The following PCDHGB3 variants were observed in gnomAD, a reference collection of about 807,000 sequenced individuals.
PCDHGB3 encodes protocadherin gamma-B3.
In PCDHGB3, 40 loss-of-function variants were observed where a neutral mutation model predicts 59.2. The observed-to-expected ratio is 0.68, with a 90% CI of 0.52 to 0.88. The LOEUF is 0.88. PCDHGB3 is among the 40% of genes least tolerant of loss of function. The probability of loss-of-function intolerance (pLI) is 0.00; values close to 1 mark genes in which losing one functional copy is unlikely to be tolerated. For synonymous variants in PCDHGB3, 581 were observed against 503.6 expected (o/e 1.15, Z -2.06); for missense variants, 1,309 against 1,187.9 (o/e 1.10, Z -1.50).
chr5:141,404,585 A>G (rs541341061), intron 1 of PCDHGB3: 2 of 1,614,006 alleles, frequency 1.2e-6, no homozygotes, highest in East Asian at 2.2e-5. Context: ...ACTTAGCAGC[A>G]ATGTGTCATT....
intron 1 of PCDHGB3, chr5:141,423,194 C>T (rs1467994226): frequency 3.7e-6 from 6 of 1,613,588 alleles, no homozygotes; most frequent in South Asian, 1.1e-5. Context: ...CCCCCTCTCT[C>T]GGCCACCGTC....
intron 1 of PCDHGB3, among the ~76,000 whole-genome samples, chr5:141,474,143 TATC>T (rs1371874237): frequency 1.3e-5 from 2 of 152,188 alleles, no homozygotes; most frequent in Non-Finnish European, 2.9e-5. Context: ...CAGGCCTTAT[TATC>T]AAGAAAATGA....
chr5:141,509,638 A>G (rs1204228233), intron 3 of PCDHGB3, among the ~76,000 whole-genome samples: 1 of 152,174 alleles, frequency 6.6e-6, no homozygotes, highest in Admixed American at 6.5e-5. Flanking sequence ...ATGCTGAGCC[A>G]GGGCCAGAGT....
At chr5:141,479,273 T>G (rs1723290487) in intron 1 of PCDHGB3, 1 of 152,386 alleles carries the variant, frequency 6.6e-6, no homozygotes, top group South Asian at 2.1e-4. Context: ...AGTAATAATT[T>G]ATTTCAAAAA....
chr5:141,383,144 G>A (rs1306014093), intron 1 of PCDHGB3: 19 of 1,614,132 alleles, frequency 1.2e-5, no homozygotes, highest in Non-Finnish European at 1.4e-5. Flanking sequence ...CAGCGCAGCG[G>A]CAGCTTGGTC....
Position 141,485,859 on chromosome 5 carries a change from G to A in PCDHGB3, c.2416-8948G>A, listed in dbSNP as rs1272239385. ...CCGAGATCTGGCACCGCAGAGCTCC[G>A]GGTATCCGTGCTGGACGTAAACGAC... On this transcript the variant is annotated intron_variant, in intron 1 of 3. Transcript: ENST00000576222. This position sits in a 1 kb window ranked among gnomAD's most constrained non-coding sequence, Gnocchi z 5.7. 3.7e-6 allele frequency: 6 copies of A among 1,614,046 alleles called. No homozygotes were observed. Among genetic ancestry groups the A allele is most frequent in the Admixed American group, 3.3e-5 (2 of 60,000 alleles).
chr5:141,476,309 A>G lies in PCDHGB3; in HGVS notation c.2416-18498A>G. ...GGATCTCGGTAGCCTCTCAGCCCGC[A>G]GGTTCCGGGTGGTGTCTGGAGCTAG... On this transcript the variant is annotated intron_variant, in intron 1 of 3. Transcript: ENST00000576222. The surrounding 1 kb of genome is among the most constrained non-coding windows in gnomAD (Gnocchi z 7.6). The G allele has an allele frequency of 6.2e-7, 1 of 1,613,966 alleles. No homozygotes were observed. Among genetic ancestry groups the G allele is most frequent in the Non-Finnish European group, 8.5e-7 (1 of 1,179,988 alleles).
intron 1 of PCDHGB3, chr5:141,479,269 A>G (rs1279389471): frequency 6.6e-6 from 1 of 152,374 alleles, no homozygotes; most frequent in African/African-American, 2.4e-5. Flanking sequence ...TAAAAGTAAT[A>G]ATTTATTTCA....
chr5:141,399,695 C>G, intron 1 of PCDHGB3: 1 of 1,613,480 alleles, frequency 6.2e-7, no homozygotes, highest in South Asian at 1.1e-5. Flanking sequence ...CAGCTGCGCA[C>G]CTTCGAACTC....
At chr5:141,376,055 G>C in intron 1 of PCDHGB3, 2 of 1,613,350 alleles carry the variant, frequency 1.2e-6, no homozygotes, top group Non-Finnish European at 1.7e-6. Flanking sequence ...CTCCGCCACT[G>C]TCACGCTCAC....
chr5:141,378,375 T>C (rs2150126691), intron 1 of PCDHGB3: 1 of 152,224 alleles, frequency 6.6e-6, no homozygotes, highest in African/African-American at 2.4e-5. Context: ...ATACAAAAAT[T>C]AGCCAGGTGG....
At chr5:141,374,759 G>A (rs761534482) in intron 1 of PCDHGB3, 1 of 1,613,112 alleles carries the variant, frequency 6.2e-7, no homozygotes, top group Non-Finnish European at 8.5e-7. Flanking sequence ...CTCAAGCGTC[G>A]CCCAAATTCT....
Position 141,432,169 on chromosome 5 carries a change from C to T in PCDHGB3, c.2415+59360C>T. On this transcript the variant is annotated intron_variant, in intron 1 of 3. Transcript: ENST00000576222. The surrounding 1 kb of genome is among the most constrained non-coding windows in gnomAD (Gnocchi z 6.0). ...CAGAGAACAATCCCAGAGGAGTTTCCCTCGTCTCTGTGACCGCCCACGACC... is the reference window on the plus strand; with the variant it reads ...CAGAGAACAATCCCAGAGGAGTTTCTCTCGTCTCTGTGACCGCCCACGACC... The T allele has an allele frequency of 6.2e-7, 1 of 1,614,204 alleles. No homozygotes were observed. The highest frequency in any genetic ancestry group is 1.6e-4 in the Middle Eastern group (1 of 6,062).
chr5:141,505,633 A>C, intron 3 of PCDHGB3, 152 bp downstream of exon 3: 3 of 1,471,286 alleles, frequency 2.0e-6, no homozygotes, highest in South Asian at 1.3e-5. Context: ...TCCAAACATA[A>C]AGCCTGGAAT....
At chr5:141,426,879 G>C (rs1222564201) in intron 1 of PCDHGB3, 3 of 456,710 alleles carry the variant, frequency 6.6e-6, no homozygotes, top group Non-Finnish European at 1.3e-5. Context: ...GAAGCCCCTG[G>C]GCCAGGAGCA....
In PCDHGB3 at chr5:141,431,464, G is replaced by C. The variant is rs1413324509; in HGVS notation, c.2415+58655G>C. On this transcript the variant is annotated intron_variant, in intron 1 of 3. Coordinates refer to ENST00000576222, the MANE Select transcript of PCDHGB3 (RefSeq NM_018924.5). This position sits in a 1 kb window ranked among gnomAD's most constrained non-coding sequence, Gnocchi z 4.8. ...GCATCCGCGTGATGGTTCTGGATGCGAACGACAACGCACCAGCGTTTGCTC... is the reference window on the plus strand; with the variant it reads ...GCATCCGCGTGATGGTTCTGGATGCCAACGACAACGCACCAGCGTTTGCTC... The C allele has an allele frequency of 6.2e-7, 1 of 1,613,664 alleles. No individual in the cohort carries two copies. Among genetic ancestry groups the C allele is most frequent in the African/African-American group, 1.3e-5 (1 of 74,950 alleles).
rs759041753 is a variant in PCDHGB3 at position 141,388,806 on chromosome 5, G to A, written c.2415+15997G>A. 32 of 1,613,842 alleles carry A rather than the reference G, an allele frequency of 2.0e-5. No individual in the cohort carries two copies. Among genetic ancestry groups the A allele is most frequent in the Non-Finnish European group, 2.5e-5 (29 of 1,179,864 alleles). On this transcript the variant is annotated intron_variant, in intron 1 of 3. Coordinates refer to ENST00000576222, the MANE Select transcript of PCDHGB3 (RefSeq NM_018924.5). Reference sequence around the variant, plus strand: ...TACTGTTTTAAATACATTAGATTTTGAAGAAGTCAAAGAATATTCCATAGT... The same window carrying A: ...TACTGTTTTAAATACATTAGATTTTAAAGAAGTCAAAGAATATTCCATAGT...
chr5:141,394,907 T>C (rs1477088272), intron 1 of PCDHGB3: 2 of 1,613,640 alleles, frequency 1.2e-6, no homozygotes, highest in Non-Finnish European at 1.7e-6. Context: ...TGGCAGTGGC[T>C]GCCATCTCCT....
rs751278055 is a variant in PCDHGB3, at chr5:141,375,013, G to A, written c.2415+2204G>A. ...CAACTTCTGCAAATCTAGACTATGAGGACTCGAGTTTTTATGAGCTGGGTG... is the reference window on the plus strand; with the variant it reads ...CAACTTCTGCAAATCTAGACTATGAAGACTCGAGTTTTTATGAGCTGGGTG... On this transcript the variant is annotated intron_variant, in intron 1 of 3. Transcript: ENST00000576222. 6.8e-6 allele frequency: 11 copies of A among 1,613,886 alleles called. No homozygotes were observed. In the African/African-American group the frequency reaches 1.3e-4, roughly 20 times the overall value.
Sources: allele counts gnomAD v4.1 joint callset (sites outside exome capture counted in the v4.1 genomes callset), GRCh38; gene constraint gnomAD v4.1.1; non-coding constraint Gnocchi (gnomAD v3.1); transcripts MANE v1.5; gene names NCBI Gene and HGNC (gene_info 2026-07-23, HGNC 2026-07-21).